The following NRXN1 variants were observed in gnomAD, a reference collection of about 807,000 sequenced individuals.
NRXN1 encodes neurexin-1.
Under a neutral mutation model 150.9 loss-of-function variants are expected in NRXN1, and 39 were observed. The observed-to-expected ratio is 0.26, with a 90% CI of 0.20 to 0.34. The LOEUF is 0.34. Ranked by LOEUF, NRXN1 falls within the 10% of genes least tolerant of loss-of-function variation. The probability of loss-of-function intolerance (pLI) is 1.00; values close to 1 mark genes in which losing one functional copy is unlikely to be tolerated. For missense variants in NRXN1, 1,815 were observed against 1,949.9 expected (o/e 0.93, Z 1.30); for synonymous variants, 924 against 757.0 (o/e 1.22, Z -3.62).
At chr2:50,424,061 G>T (rs2084238231) in intron 17 of NRXN1, among the ~76,000 whole-genome samples, 1 of 151,242 alleles carries the variant, frequency 6.6e-6, no homozygotes, top group African/African-American at 2.4e-5. Flanking sequence ...ATGGGCCACA[G>T]TGGGAGGTTC....
chr2:50,428,569 T>G (rs2084688925), intron 17 of NRXN1, among the ~76,000 whole-genome samples: 1 of 152,216 alleles, frequency 6.6e-6, no homozygotes, highest in Non-Finnish European at 1.5e-5. Context: ...AGTTAGATAT[T>G]CGTTTCATTG....
rs914087511 is a variant in NRXN1 at position 51,028,339 on chromosome 2, T to A, written c.-66A>T. 3 of 1,125,554 alleles carry A rather than the reference T, an allele frequency of 2.7e-6. No homozygotes were observed. The highest frequency in any genetic ancestry group is 3.2e-5 in the African/African-American group (2 of 63,154). 69.7% of individuals were successfully genotyped at this position (1,125,554 alleles called of 1,614,324 possible). A position where few individuals can be genotyped will look rare whatever the true frequency, so the allele number is the denominator to read the frequency against. On this transcript the variant is annotated 5_prime_UTR_variant, in exon 2 of 23. Coordinates refer to ENST00000401669, the MANE Select transcript of NRXN1 (RefSeq NM_001330078.2). ...AGGGTCAAAATGGTCCTGGACACCG[T>A]GACGAAGAAATAAGGGTCCCGAGAG...
intron 18 of NRXN1, among the ~76,000 whole-genome samples, chr2:50,112,407 C>T (rs1288055805): frequency 1.3e-5 from 2 of 152,146 alleles, no homozygotes; most frequent in East Asian, 3.9e-4. Flanking sequence ...GAAGCTGGTC[C>T]CTTCGTTGTT....
At chr2:50,474,683 C>CAAAAAAAAAAAA (rs754558377) in intron 15 of NRXN1, among the ~76,000 whole-genome samples, 57 of 54,842 alleles carry the variant, frequency 1.0e-3, no homozygotes, top group Non-Finnish European at 1.4e-3. Context: ...ACAGAAATAG[C>CAAAAAAAAAAAA]AAAAAAAAAA....
rs184351172 is a variant in NRXN1 at position 50,439,707 on chromosome 2, C to T, written c.3364+25735G>A. On this transcript the variant is annotated intron_variant, in intron 17 of 22. Transcript: ENST00000401669. ...TGGCGGGTACCTGTAGTCCCAGCTA[C>T]TCGGGAGGCTGAGGCAGGAGAATGG... Among the ~76,000 whole-genome samples the T allele has an allele frequency of 1.1e-4, 16 of 151,714 alleles. No individual in the cohort carries two copies. The East Asian group carries it at 3.1e-3, about 30-fold the overall frequency.
In NRXN1 at chr2:50,443,583, T is replaced by C. The variant is rs577667346; in HGVS notation, c.3364+21859A>G. 6.7e-4 allele frequency among the ~76,000 whole-genome samples: 102 copies of C among 152,310 alleles called. 1 individual carries two copies. Among genetic ancestry groups the C allele is most frequent in the African/African-American group, 2.4e-3 (98 of 41,570 alleles). On this transcript the variant is annotated intron_variant, in intron 17 of 22. Coordinates refer to ENST00000401669, the MANE Select transcript of NRXN1 (RefSeq NM_001330078.2). Reference sequence around the variant, plus strand: ...AGGGTCCTAGTTTGCAATGTGCCTCTAAATCAGTATGTGATCTGGGCCTAA... The same window carrying C: ...AGGGTCCTAGTTTGCAATGTGCCTCCAAATCAGTATGTGATCTGGGCCTAA...
chr2:50,855,789 T>C (rs907903047), intron 5 of NRXN1, among the ~76,000 whole-genome samples: 1 of 152,098 alleles, frequency 6.6e-6, no homozygotes, highest in African/African-American at 2.4e-5. Flanking sequence ...GACTATCCTA[T>C]CCTGCATGCT....
chr2:50,679,503 A>G (rs1690049645), intron 5 of NRXN1, among the ~76,000 whole-genome samples: 1 of 152,156 alleles, frequency 6.6e-6, no homozygotes, highest in South Asian at 2.1e-4. Context: ...AAAATTACAA[A>G]CTTTCCAAAC....
chr2:50,565,808 C>T (rs538550517), intron 8 of NRXN1, among the ~76,000 whole-genome samples: 1 of 152,172 alleles, frequency 6.6e-6, no homozygotes, highest in Non-Finnish European at 1.5e-5. Flanking sequence ...GTATAACTGT[C>T]ATCAACTCCT....
At chr2:50,569,178 T>A (rs1046800456) in intron 8 of NRXN1, among the ~76,000 whole-genome samples, 2 of 152,078 alleles carry the variant, frequency 1.3e-5, no homozygotes. Context: ...GGATGGTTAA[T>A]GGGAACAAAA....
intron 8 of NRXN1, among the ~76,000 whole-genome samples, chr2:50,604,154 AT>A (rs1233717282): frequency 2.0e-5 from 3 of 152,204 alleles, no homozygotes; most frequent in Non-Finnish European, 4.4e-5. Flanking sequence ...ATTTATTCCT[AT>A]AAAATGCTGA....
At chr2:49,947,622 G>A (rs1176182661) in intron 21 of NRXN1, among the ~76,000 whole-genome samples, 7 of 144,256 alleles carry the variant, frequency 4.9e-5, no homozygotes, top group East Asian at 2.1e-4. Context: ...TGAGCCTCCC[G>A]AAGTGCTGGG....
rs140419812 is a variant in NRXN1 at position 50,949,506 on chromosome 2, A to G, written c.773-23551T>C. On this transcript the variant is annotated intron_variant, in intron 2 of 22. Transcript: ENST00000401669. ...AATACAAGGGACAGAGAAGGCCACA[A>G]TTCTGATACAATAATTCTGCTTCAT... 4.4e-3 allele frequency among the ~76,000 whole-genome samples: 669 copies of G among 152,172 alleles called. 3 individuals are homozygous for G. Among genetic ancestry groups the G allele is most frequent in the Middle Eastern group, 6.8e-3 (2 of 294 alleles).
intron 5 of NRXN1, among the ~76,000 whole-genome samples, chr2:50,817,129 A>C (rs757403547): frequency 2.0e-5 from 3 of 152,104 alleles, no homozygotes; most frequent in Non-Finnish European, 2.9e-5. Context: ...CGGGTGGAGG[A>C]AGGAACAAGA....
Position 50,315,708 on chromosome 2 carries a change from G to A in NRXN1, c.3365-78738C>T, listed in dbSNP as rs2075547068. 2.6e-5 allele frequency among the ~76,000 whole-genome samples: 4 copies of A among 152,108 alleles called. No homozygotes were observed. In the South Asian group the frequency reaches 8.3e-4, roughly 32 times the overall value. The stretch of plus-strand genomic sequence containing the variant: ...GTTATAAATTGTCCTCAGATTCCTA[G>A]GCTAGCCTATATGGGCCAGCTTATT... On this transcript the variant is annotated intron_variant, in intron 17 of 22. Coordinates refer to ENST00000401669, the MANE Select transcript of NRXN1 (RefSeq NM_001330078.2).
chr2:50,400,163 T>C (rs1323987432), intron 17 of NRXN1, among the ~76,000 whole-genome samples: 1 of 152,070 alleles, frequency 6.6e-6, no homozygotes, highest in Non-Finnish European at 1.5e-5. Context: ...TGTTACTTGC[T>C]GATATAAAAC....
intron 2 of NRXN1, among the ~76,000 whole-genome samples, chr2:50,932,191 T>C (rs1574967806): frequency 6.6e-6 from 1 of 151,910 alleles, no homozygotes; most frequent in Admixed American, 6.6e-5. Context: ...AGTTCGAGAC[T>C]AGCCTGGCTA....
At chr2:50,699,478 G>T (rs898035905) in intron 5 of NRXN1, among the ~76,000 whole-genome samples, 1 of 151,976 alleles carries the variant, frequency 6.6e-6, no homozygotes, top group African/African-American at 2.4e-5. Flanking sequence ...TGGCAGAAGG[G>T]GAAGTCAGAG....
intron 5 of NRXN1, among the ~76,000 whole-genome samples, chr2:50,909,203 T>C (rs140126984): frequency 1.3e-5 from 2 of 151,992 alleles, no homozygotes; most frequent in Non-Finnish European, 2.9e-5. Flanking sequence ...ATAGTTTCAG[T>C]AGGCAGATTT....
Sources: allele counts gnomAD v4.1 joint callset (sites outside exome capture counted in the v4.1 genomes callset), GRCh38; gene constraint gnomAD v4.1.1; transcripts MANE v1.5; gene names NCBI Gene and HGNC (gene_info 2026-07-23, HGNC 2026-07-21).